The following CSF1R variants were observed in gnomAD, a reference collection of about 807,000 sequenced individuals.
The protein encoded by CSF1R is macrophage colony-stimulating factor 1 receptor.
Under a neutral mutation model 110.0 loss-of-function variants are expected in CSF1R, and 40 were observed. That is an observed-to-expected ratio of 0.36 (90% CI 0.28 to 0.47). The LOEUF is 0.47. Ranked by LOEUF, CSF1R falls within the 20% of genes least tolerant of loss-of-function variation. CSF1R has a pLI of 0.99. For missense variants in CSF1R, 1,052 were observed against 1,253.0 expected (o/e 0.84, Z 2.42); for synonymous variants, 523 against 503.4 (o/e 1.04, Z -0.52).
chr5:150,105,158 C>A (rs1759509767), intron 1 of CSF1R, among the ~76,000 whole-genome samples: 1 of 151,224 alleles, frequency 6.6e-6, no homozygotes, highest in African/African-American at 2.4e-5. Flanking sequence ...ACCAGCCTGG[C>A]TAACACAGTG....
chr5:150,101,513 G>T (rs1327370095), intron 1 of CSF1R, among the ~76,000 whole-genome samples: 1 of 152,202 alleles, frequency 6.6e-6, no homozygotes, highest in Non-Finnish European at 1.5e-5. Context: ...GGCAGAGGCA[G>T]GGAAGAGAAA....
chr5:150,112,636 C>G (rs1435337800), intron 1 of CSF1R, among the ~76,000 whole-genome samples: 1 of 152,224 alleles, frequency 6.6e-6, no homozygotes, highest in African/African-American at 2.4e-5. Flanking sequence ...TCATTCAACT[C>G]CTGCCACAGC....
At chr5:150,063,026 T>C (rs1446333501) in intron 10 of CSF1R, among the ~76,000 whole-genome samples, 1 of 144,736 alleles carries the variant, frequency 6.9e-6, no homozygotes, top group South Asian at 2.2e-4. Context: ...CCTTTTGGGA[T>C]TTTTTTTTTT....
chr5:150,070,219 T>G lies in CSF1R; in HGVS notation c.1282A>C (p.Asn428His). Residue 428 changes from asparagine (N) to histidine (H), a missense_variant, in exon 8 of 21, where the codon AAC (asparagine) becomes CAC (histidine). By Grantham distance (68) the Asn-to-His change is moderately conservative. Transcript: ENST00000675795. ...CCACTGCACTGCAGCCATGTCACGT[T>G]GGGCTGGGGGTACCCAGAGGCAGCA... The part of the protein sequence containing the change: ...LCAASGYPQP[N>H]VTWLQCSGHT... 6.2e-7 allele frequency: 1 copy of G among 1,614,050 alleles called. No individual in the cohort carries two copies. The highest frequency in any genetic ancestry group is 8.5e-7 in the Non-Finnish European group (1 of 1,180,004).
rs562805806 is a variant in CSF1R at position 150,053,639 on chromosome 5, C to G, written c.*430G>C. The G allele has an allele frequency of 3.8e-5, 11 of 287,350 alleles. No homozygotes were observed. Among genetic ancestry groups the G allele is most frequent in the Admixed American group, 1.4e-4 (3 of 21,244 alleles). 17.8% of individuals were successfully genotyped at this position (287,350 alleles called of 1,614,324 possible). ...TGTGGTCTGTGAGCATCTGCTGCTC[C>G]TCTCAGAGAGGGAGATCTCACTCTC... is the stretch of plus-strand genomic sequence containing the variant. On this transcript the variant is annotated 3_prime_UTR_variant, in exon 21 of 21. Transcript: ENST00000675795.
chr5:150,066,506 G>C (rs896182854), intron 10 of CSF1R, among the ~76,000 whole-genome samples: 6 of 152,154 alleles, frequency 3.9e-5, no homozygotes, highest in Non-Finnish European at 8.8e-5. Flanking sequence ...TGGTATAAGA[G>C]GGGAAACTAA....
intron 6 of CSF1R, among the ~76,000 whole-genome samples, chr5:150,072,291 C>T (rs868223693): frequency 6.6e-5 from 10 of 152,048 alleles, no homozygotes; most frequent in South Asian, 2.1e-4. Flanking sequence ...GTCAGGAGTT[C>T]GAGACCAGCC....
At chr5:150,054,816 A>G in intron 19 of CSF1R, 2 of 242,182 alleles carry the variant, frequency 8.3e-6, no homozygotes, top group Non-Finnish European at 1.6e-5. Flanking sequence ...GTGAGATCCC[A>G]TCTCTACTAA....
At chr5:150,061,061 A>G (rs1757492093) in intron 12 of CSF1R, 89 bp from the exon 13 acceptor site, 2 of 934,318 alleles carry the variant, frequency 2.1e-6, no homozygotes, top group Non-Finnish European at 3.3e-6. Flanking sequence ...GCAGAGACCC[A>G]GGGGAGAAAG....
Position 150,080,205 on chromosome 5 carries a change from G to A in CSF1R, c.439C>T (p.Pro147Ser), listed in dbSNP as rs2113831166. 6.2e-7 allele frequency: 1 copy of A among 1,613,608 alleles called. No individual in the cohort carries two copies. The highest frequency in any genetic ancestry group is 8.5e-7 in the Non-Finnish European group (1 of 1,180,042). Residue 147 changes from proline to serine, a missense_variant, in exon 3 of 21, where the codon CCC (proline) becomes TCC (serine). By Grantham distance (74) the Pro-to-Ser change is moderately conservative. Around this residue, in one of 5 missense-constraint regions of CSF1R, gnomAD observed 693 missense variants for 735.4 expected, o/e 0.94. Coordinates refer to ENST00000675795, the MANE Select transcript of CSF1R (RefSeq NM_001288705.3). Reference sequence around the variant, plus strand: ...GAGTAGTTGGTGTGGCGCATGAGGGGCCGGCCACGCACACGCACCAGCGAG... The same window carrying A: ...GAGTAGTTGGTGTGGCGCATGAGGGACCGGCCACGCACACGCACCAGCGAG... ...GVSLVRVRGR[P>S]LMRHTNYSFS...
At chr5:150,112,588 C>T (rs1206634654) in intron 1 of CSF1R, among the ~76,000 whole-genome samples, 1 of 152,248 alleles carries the variant, frequency 6.6e-6, no homozygotes, top group Non-Finnish European at 1.5e-5. Flanking sequence ...GGAATGTGGG[C>T]TAGTTATTTT....
chr5:150,055,341 A>T lies in CSF1R; in HGVS notation c.2555-5T>A. 1 of 1,613,384 alleles carries T rather than the reference A, an allele frequency of 6.2e-7. No homozygotes were observed. The highest frequency in any genetic ancestry group is 8.5e-7 in the Non-Finnish European group (1 of 1,179,270). ...TGCCAGGGTAGGGATTCAGCCCTGC[A>T]AAGGCCAAGATCAGGTAAGAGGCCA... is the stretch of plus-strand genomic sequence containing the variant. On this transcript the variant is annotated splice_region_variant and splice_polypyrimidine_tract_variant and intron_variant, in intron 18 of 20. Transcript: ENST00000675795.
intron 1 of CSF1R, among the ~76,000 whole-genome samples, chr5:150,103,245 G>T (rs185600440): frequency 2.6e-5 from 4 of 152,188 alleles, no homozygotes; most frequent in Non-Finnish European, 4.4e-5. Context: ...GCCCCTTGGC[G>T]CATTTCTGAC....
At chr5:150,106,195 G>T (rs1759552483) in intron 1 of CSF1R, among the ~76,000 whole-genome samples, 1 of 152,234 alleles carries the variant, frequency 6.6e-6, no homozygotes, top group Non-Finnish European at 1.5e-5. Flanking sequence ...ATGCTGCCGG[G>T]AAGGTGACAA....
chr5:150,055,352 T>G lies in CSF1R; in HGVS notation c.2555-16A>C. ...GGATTCAGCCCTGCAAAGGCCAAGATCAGGTAAGAGGCCATGCCCATTGTC... is the reference window on the plus strand; with the variant it reads ...GGATTCAGCCCTGCAAAGGCCAAGAGCAGGTAAGAGGCCATGCCCATTGTC... On this transcript the variant is annotated splice_polypyrimidine_tract_variant and intron_variant, in intron 18 of 20. Transcript: ENST00000675795. 1 of 1,610,110 alleles carries G rather than the reference T, an allele frequency of 6.2e-7. No individual in the cohort carries two copies. The highest frequency in any genetic ancestry group is 8.5e-7 in the Non-Finnish European group (1 of 1,176,360).
At chr5:150,077,138 C>T in intron 5 of CSF1R, 138 bp downstream of exon 5, 1 of 1,142,990 alleles carries the variant, frequency 8.7e-7, no homozygotes, top group Non-Finnish European at 1.3e-6. Flanking sequence ...GCTCCTTAGC[C>T]AGGCCTTGGA....
intron 10 of CSF1R, among the ~76,000 whole-genome samples, chr5:150,064,758 G>A (rs759168611): frequency 2.0e-5 from 3 of 152,188 alleles, no homozygotes; most frequent in Non-Finnish European, 4.4e-5. Flanking sequence ...GGATCAAGGA[G>A]GATGGAGGTT....
At chr5:150,104,072 C>T (rs774344279) in intron 1 of CSF1R, among the ~76,000 whole-genome samples, 4 of 152,178 alleles carry the variant, frequency 2.6e-5, no homozygotes, top group African/African-American at 7.2e-5. Context: ...AGCGGATTCT[C>T]ATGCTCCCTC....
At chr5:150,068,667 T>C (rs35978340) in intron 9 of CSF1R, among the ~76,000 whole-genome samples, 12,964 of 152,240 alleles carry the variant, frequency 0.085, 747 homozygotes, top group South Asian at 0.18. Context: ...TGCCCAGCCA[T>C]GGCTTGCATG....
Sources: allele counts gnomAD v4.1 joint callset (sites outside exome capture counted in the v4.1 genomes callset), GRCh38; gene constraint gnomAD v4.1.1; regional missense constraint gnomAD v4.1.1; transcripts MANE v1.5; gene names NCBI Gene and HGNC (gene_info 2026-07-23, HGNC 2026-07-21).